Variants in SDK1 observed in about 807,000 individuals in gnomAD.
SDK1 encodes the protein protein sidekick-1.
Under a neutral mutation model 245.5 loss-of-function variants are expected in SDK1, and 157 were observed. The observed-to-expected ratio is 0.64, with a 90% CI of 0.56 to 0.73. SDK1 has a LOEUF of 0.73. Ranked by LOEUF, SDK1 falls within the 30% of genes least tolerant of loss-of-function variation. SDK1 has a pLI of 0.00. For synonymous variants in SDK1, 1,647 were observed against 1,278.5 expected (o/e 1.29, Z -6.15); for missense variants, 3,583 against 3,002.3 (o/e 1.19, Z -4.52).
intron 1 of SDK1, among the ~76,000 whole-genome samples, chr7:3,577,128 G>A (rs369302538): frequency 6.6e-6 from 1 of 151,850 alleles, no homozygotes; most frequent in Non-Finnish European, 1.5e-5. Context: ...CCTGCCTCTG[G>A]GCCCCATTCT....
At chr7:3,504,423 C>A (rs1233206960) in intron 1 of SDK1, among the ~76,000 whole-genome samples, 1 of 151,836 alleles carries the variant, frequency 6.6e-6, no homozygotes, top group Non-Finnish European at 1.5e-5. Context: ...TACTTTAAAG[C>A]TACTATAATC....
chr7:3,536,223 AT>A (rs1204324690), intron 1 of SDK1, among the ~76,000 whole-genome samples: 7 of 136,576 alleles, frequency 5.1e-5, no homozygotes, highest in Admixed American at 7.7e-5. Flanking sequence ...CACCCAGCTA[AT>A]TTTTTTTTTG....
chr7:4,246,036 G>A (rs1786834836), intron 44 of SDK1, among the ~76,000 whole-genome samples: 1 of 152,206 alleles, frequency 6.6e-6, no homozygotes, highest in South Asian at 2.1e-4. Flanking sequence ...GACATTCCAA[G>A]GCTGATTCAT....
chr7:4,085,883 G>T (rs886690048), intron 22 of SDK1, among the ~76,000 whole-genome samples: 1 of 152,120 alleles, frequency 6.6e-6, no homozygotes, highest in Admixed American at 6.6e-5. Context: ...ATTGGTGGAG[G>T]ATTTTAAACT....
chr7:4,231,791 C>T (rs1785786564), intron 40 of SDK1, among the ~76,000 whole-genome samples: 1 of 152,104 alleles, frequency 6.6e-6, no homozygotes, highest in African/African-American at 2.4e-5. Flanking sequence ...GATACAATAG[C>T]AATTTTCTGC....
intron 1 of SDK1, 98 bp downstream of exon 1, chr7:3,301,982 G>A: frequency 8.5e-6 from 8 of 938,488 alleles, no homozygotes; most frequent in Non-Finnish European, 1.0e-5. Flanking sequence ...CCCGCTTCCC[G>A]GCCCGGGTCG....
chr7:3,818,070 C>T (rs1176959538), intron 4 of SDK1, among the ~76,000 whole-genome samples: 1 of 152,208 alleles, frequency 6.6e-6, no homozygotes, highest in African/African-American at 2.4e-5. Context: ...CCATATTGTA[C>T]TCAGTTATTT....
intron 5 of SDK1, among the ~76,000 whole-genome samples, chr7:3,928,258 G>A (rs974456711): frequency 5.9e-5 from 9 of 152,020 alleles, no homozygotes; most frequent in Middle Eastern, 3.4e-3. Context: ...GAGTTTTTTC[G>A]GTCTGAATTC....
chr7:3,387,825 T>G (rs920608243), intron 1 of SDK1, among the ~76,000 whole-genome samples: 7 of 152,212 alleles, frequency 4.6e-5, no homozygotes, highest in African/African-American at 1.4e-4. Flanking sequence ...GTCAGTACCA[T>G]TTTGAACATT....
At chr7:3,416,097 A>C (rs533283515) in intron 1 of SDK1, among the ~76,000 whole-genome samples, 1 of 152,322 alleles carries the variant, frequency 6.6e-6, no homozygotes, top group South Asian at 2.1e-4. Flanking sequence ...GTCTCCTTTA[A>C]AGTATGAAGT....
intron 5 of SDK1, among the ~76,000 whole-genome samples, chr7:3,940,912 C>A (rs542890923): frequency 6.6e-6 from 1 of 152,042 alleles, no homozygotes; most frequent in Non-Finnish European, 1.5e-5. Flanking sequence ...ATGGAGTGGC[C>A]TCTTGATCTC....
At chr7:3,585,626 G>A (rs190825650) in intron 1 of SDK1, among the ~76,000 whole-genome samples, 2 of 152,258 alleles carry the variant, frequency 1.3e-5, no homozygotes, top group African/African-American at 2.4e-5. Context: ...TGAGGTACAT[G>A]GTCAGTGGTA....
intron 14 of SDK1, among the ~76,000 whole-genome samples, chr7:3,998,125 C>G (rs1052827476): frequency 3.3e-5 from 5 of 152,234 alleles, no homozygotes; most frequent in African/African-American, 1.2e-4. Context: ...GGCAGGGCTC[C>G]TGCCTGCTCC....
intron 4 of SDK1, chr7:3,642,934 G>A (rs941378096): frequency 2.0e-5 from 3 of 152,234 alleles, no homozygotes; most frequent in African/African-American, 7.2e-5. Flanking sequence ...TTCATCAGGA[G>A]CAAATACTAT....
chr7:3,639,819 T>C (rs972364321), intron 3 of SDK1, among the ~76,000 whole-genome samples: 1 of 151,602 alleles, frequency 6.6e-6, no homozygotes, highest in African/African-American at 2.4e-5. Flanking sequence ...ACATAACATA[T>C]ATAATTATAT....
chr7:4,184,732 T>C lies in SDK1; in HGVS notation c.5098+6146T>C, dbSNP rs146068293. 2.9e-3 allele frequency among the ~76,000 whole-genome samples: 444 copies of C among 152,324 alleles called. 1 individual carries two copies. Among genetic ancestry groups the C allele is most frequent in the Middle Eastern group, 0.01 (3 of 294 alleles). ...GTAAAAATAATCCATCGGTAAGGAC[T>C]CCAGTGTGCAGGAGGTAGGACCCAA... On this transcript the variant is annotated intron_variant, in intron 35 of 44. Coordinates refer to ENST00000404826, the MANE Select transcript of SDK1 (RefSeq NM_152744.4).
intron 4 of SDK1, among the ~76,000 whole-genome samples, chr7:3,733,876 A>G (rs1038925940): frequency 2.6e-5 from 4 of 152,160 alleles, no homozygotes; most frequent in Non-Finnish European, 5.9e-5. Context: ...CGCACATAAG[A>G]ATCACCTAGG....
intron 14 of SDK1, among the ~76,000 whole-genome samples, chr7:3,992,557 T>C (rs574722593): frequency 6.6e-6 from 1 of 152,332 alleles, no homozygotes; most frequent in South Asian, 2.1e-4. Flanking sequence ...GTGGGGACCC[T>C]GTGACCAGGC....
intron 35 of SDK1, among the ~76,000 whole-genome samples, chr7:4,188,993 C>T (rs1156875204): frequency 6.6e-6 from 1 of 152,106 alleles, no homozygotes; most frequent in African/African-American, 2.4e-5. Flanking sequence ...TTGTCTTATT[C>T]CTCTTTGTTT....
Sources: gnomAD v4.1 joint callset for allele counts (sites outside exome capture counted in the v4.1 genomes callset) on GRCh38, gnomAD v4.1.1 for gene constraint, MANE v1.5 for transcripts, NCBI Gene and HGNC (gene_info 2026-07-23, HGNC 2026-07-21) for gene names.